Variants in ARHGAP22 observed in about 807,000 individuals in gnomAD.
ARHGAP22 encodes the protein Rho GTPase activating protein 22.
ARHGAP22 carries 48 observed loss-of-function variants against 59.1 expected under a neutral mutation model. That is an observed-to-expected ratio of 0.81 (90% CI 0.64 to 1.03). The LOEUF is 1.03. ARHGAP22 is among the 50% of genes least tolerant of loss of function. ARHGAP22 has a pLI of 0.00. For missense variants in ARHGAP22, 1,015 were observed against 958.7 expected, an observed-to-expected ratio of 1.06 and a Z score of -0.78; for synonymous variants, 445 against 416.4, an observed-to-expected ratio of 1.07 and a Z score of -0.84.
the ARHGAP22 span, chr10:48,435,757 TAAA>T: frequency 6.6e-6 from 1 of 152,148 alleles, no homozygotes. Context: ...CAAAAATAAG[TAAA>T]AAGAATATGG....
intron 1 of ARHGAP22, among the ~76,000 whole-genome samples, chr10:48,598,421 C>T (rs957523407): frequency 6.6e-6 from 1 of 152,142 alleles, no homozygotes; most frequent in Non-Finnish European, 1.5e-5. Flanking sequence ...CTTACAAACT[C>T]TGCAGGGCGG....
At chr10:48,587,875 C>T (rs2059522452) in intron 1 of ARHGAP22, among the ~76,000 whole-genome samples, 1 of 152,244 alleles carries the variant, frequency 6.6e-6, no homozygotes, top group Non-Finnish European at 1.5e-5. Context: ...AACTCATCAG[C>T]ACAGTCCAGC....
At chr10:48,624,566 G>A (rs2061384294) in intron 1 of ARHGAP22, 1 of 152,216 alleles carries the variant, frequency 6.6e-6, no homozygotes. Context: ...CCATCCCAAT[G>A]TTTTGCACCC....
At chr10:48,629,178 A>G (rs1359322257) in intron 1 of ARHGAP22, among the ~76,000 whole-genome samples, 3 of 152,110 alleles carry the variant, frequency 2.0e-5, no homozygotes, top group South Asian at 2.1e-4. Context: ...GCCACCACCA[A>G]TGGCTGGTCA....
At chr10:48,574,047 G>C (rs1268892908) in intron 2 of ARHGAP22, among the ~76,000 whole-genome samples, 1 of 127,392 alleles carries the variant, frequency 7.8e-6, no homozygotes, top group Admixed American at 7.2e-5. Context: ...TGGATACTGA[G>C]ACACAGAGAT....
At chr10:48,652,351 A>C in exon 1 of ARHGAP22, 21 of 1,338,472 alleles carry the variant, frequency 1.6e-5, no homozygotes, top group Non-Finnish European at 2.1e-5. Flanking sequence ...CCACATCCTC[A>C]AGCAGACAAG....
upstream of ARHGAP22, among the ~76,000 whole-genome samples, chr10:48,607,712 G>A (rs919229091): frequency 3.9e-5 from 6 of 152,228 alleles, no homozygotes; most frequent in South Asian, 6.2e-4. Context: ...GCTTAGCAGC[G>A]GAGACAGATG....
chr10:48,524,176 G>C (rs1282412841), intron 3 of ARHGAP22: 25 of 1,112,126 alleles, frequency 2.2e-5, no homozygotes, highest in Non-Finnish European at 2.7e-5. Flanking sequence ...CGGCGCGGCC[G>C]AGGTCCGGCC....
intron 5 of ARHGAP22, among the ~76,000 whole-genome samples, chr10:48,457,233 A>C (rs1589464118): frequency 6.6e-6 from 1 of 151,502 alleles, no homozygotes; most frequent in African/African-American, 2.4e-5. Flanking sequence ...CCTGGTCCTG[A>C]CTCGCCTCAC....
intron 2 of ARHGAP22, among the ~76,000 whole-genome samples, chr10:48,572,939 G>A (rs1326641105): frequency 6.6e-6 from 1 of 152,134 alleles, no homozygotes; most frequent in African/African-American, 2.4e-5. Context: ...TCTGCTTGTT[G>A]GGAGAAGGGG....
intron 3 of ARHGAP22, among the ~76,000 whole-genome samples, chr10:48,499,717 C>T (rs2051310367): frequency 6.6e-6 from 1 of 152,120 alleles, no homozygotes; most frequent in Non-Finnish European, 1.5e-5. Flanking sequence ...TGTGGAAGTT[C>T]TAAGTCAATG....
At chr10:48,596,564 C>T (rs1400679385) in intron 1 of ARHGAP22, among the ~76,000 whole-genome samples, 1 of 152,156 alleles carries the variant, frequency 6.6e-6, no homozygotes, top group Non-Finnish European at 1.5e-5. Flanking sequence ...GAGGGTGAGT[C>T]CAGACCAGGA....
At chr10:48,451,768 A>G in intron 8 of ARHGAP22, 2 of 540,666 alleles carry the variant, frequency 3.7e-6, no homozygotes, top group South Asian at 4.1e-5. Flanking sequence ...CAAATCCCCC[A>G]ACACACAATC....
intron 2 of ARHGAP22, among the ~76,000 whole-genome samples, chr10:48,562,431 G>A (rs777127450): frequency 3.9e-5 from 6 of 152,080 alleles, no homozygotes; most frequent in Non-Finnish European, 1.5e-5. Context: ...TGAGGTACCT[G>A]CATACAGTGC....
chr10:48,505,797 G>T (rs534803810), intron 3 of ARHGAP22, among the ~76,000 whole-genome samples: 28 of 152,304 alleles, frequency 1.8e-4, no homozygotes, highest in African/African-American at 6.5e-4. Context: ...TGTAGCCAAG[G>T]CCTGTAAGGA....
chr10:48,451,014 G>A lies in ARHGAP22; in HGVS notation c.1115C>T (p.Ser372Phe). 2 of 1,555,438 alleles carry A rather than the reference G, an allele frequency of 1.3e-6. No individual in the cohort carries two copies. Among genetic ancestry groups the A allele is most frequent in the Non-Finnish European group, 1.7e-6 (2 of 1,149,832 alleles). Residue 372 changes from serine (S) to phenylalanine (F), a missense_variant, in exon 9 of 10, where the codon TCC becomes TTC. Ser to Phe is a radical substitution (Grantham distance 155). Coordinates refer to ENST00000249601, the MANE Select transcript of ARHGAP22 (RefSeq NM_021226.4). Reference sequence around the variant, plus strand: ...TTGGCTGTCCCTGGTGACCTCCTCGGAGCCCCACCCCACTGCGCATTGCAG... The same window carrying A: ...TTGGCTGTCCCTGGTGACCTCCTCGAAGCCCCACCCCACTGCGCATTGCAG... ...GGLQCAVGWG[S>F]EEVTRDSQGE...
chr10:48,588,726 C>A (rs1290695078), intron 1 of ARHGAP22, among the ~76,000 whole-genome samples: 1 of 152,198 alleles, frequency 6.6e-6, no homozygotes, highest in Non-Finnish European at 1.5e-5. Context: ...GTACAGAGCC[C>A]AATTGACTTG....
intron 2 of ARHGAP22, among the ~76,000 whole-genome samples, chr10:48,581,514 C>A (rs768221147): frequency 1.3e-5 from 2 of 152,218 alleles, no homozygotes; most frequent in Non-Finnish European, 2.9e-5. Context: ...CTTTCTCATA[C>A]AATCAAGGAG....
chr10:48,653,921 T>C (rs2062656138), upstream of ARHGAP22, among the ~76,000 whole-genome samples: 1 of 152,210 alleles, frequency 6.6e-6, no homozygotes, highest in South Asian at 2.1e-4. Flanking sequence ...TGGGACATAA[T>C]ACCTGCTAAA....
Sources: gnomAD v4.1 joint callset for allele counts (sites outside exome capture counted in the v4.1 genomes callset) on GRCh38, gnomAD v4.1.1 for gene constraint, MANE v1.5 for transcripts, NCBI Gene and HGNC (gene_info 2026-07-23, HGNC 2026-07-21) for gene names.